The following MYBBP1A variants were observed in gnomAD, a reference collection of about 807,000 sequenced individuals.
MYBBP1A encodes MYB binding protein 1a, also known as myb-binding protein 1A.
A neutral mutation model predicts 136.3 loss-of-function variants in MYBBP1A; 147 were observed. The ratio of observed to expected loss-of-function variants is 1.08; its 90% CI spans 0.94 to 1.24. MYBBP1A has a LOEUF of 1.24. MYBBP1A is among the 50% of genes most tolerant of loss of function. MYBBP1A has a pLI of 0.00. For synonymous variants in MYBBP1A, 947 were observed against 735.8 expected, an observed-to-expected ratio of 1.29 and a Z score of -4.65; for missense variants, 2,060 against 1,727.4, an observed-to-expected ratio of 1.19 and a Z score of -3.41.
rs780591255 is a variant in MYBBP1A at position 4,552,252 on chromosome 17, T to C, written c.778A>G (p.Lys260Glu). 2.0e-5 allele frequency: 32 copies of C among 1,614,076 alleles called. No homozygotes were observed. The East Asian group carries it at 7.1e-4, about 36-fold the overall frequency. ...VLKMAASSVK[K>E]DRKLPAIALD... ...GCAATGGCGGGCAGCTTGCGGTCCT[T>C]CTTCACAGAGGAGGCGGCCATCTTC... Residue 260 changes from lysine (K) to glutamate (E), a missense_variant, in exon 7 of 26, where the codon AAG becomes GAG. Coordinates refer to ENST00000254718, the MANE Select transcript of MYBBP1A (RefSeq NM_014520.4). The surrounding 1 kb of genome is among the most constrained non-coding windows in gnomAD (Gnocchi z 4.7).
chr17:4,548,267 G>A lies in MYBBP1A; in HGVS notation c.1600C>T (p.Gln534Ter). The stretch of plus-strand genomic sequence containing the variant: ...GTCCAGGGCTGCCCACCCTGGGTCT[G>A]GCCCGGTGCCTGCTTGAACTGCGTG... ...LSTQFKQAPGQTQGGQPWTYH... is the reference protein window; with the variant it reads ...LSTQFKQAPG Residue 534 changes from glutamine (Q) to a stop codon, truncating the protein, a stop_gained, in exon 12 of 26, where the codon CAG becomes TAG. Transcript: ENST00000254718. LOFTEE classifies it high-confidence loss of function. The surrounding 1 kb of genome is among the most constrained non-coding windows in gnomAD (Gnocchi z 4.2). 1.2e-6 allele frequency: 2 copies of A among 1,612,492 alleles called. No homozygotes were observed. The highest frequency in any genetic ancestry group is 1.7e-6 in the Non-Finnish European group (2 of 1,179,996).
Position 4,552,719 on chromosome 17 carries a change from G to A in MYBBP1A, c.562-93C>T, listed in dbSNP as rs1218601774. ...TGCTCCTGACACGGGGCCACCTGGTGAGGTATCAGAGTCATCAGAGGCCAG... is the reference window on the plus strand; with the variant it reads ...TGCTCCTGACACGGGGCCACCTGGTAAGGTATCAGAGTCATCAGAGGCCAG... On this transcript the variant is annotated intron_variant, in intron 5 of 25. Coordinates refer to ENST00000254718, the MANE Select transcript of MYBBP1A (RefSeq NM_014520.4). This position sits in a 1 kb window ranked among gnomAD's most constrained non-coding sequence, Gnocchi z 4.7. 50 of 1,188,756 alleles carry A rather than the reference G, an allele frequency of 4.2e-5. 1 individual carries two copies. The highest frequency in any genetic ancestry group is 1.2e-6 in the Non-Finnish European group (1 of 855,676). 73.6% of individuals were successfully genotyped at this position (1,188,756 alleles called of 1,614,324 possible).
chr17:4,545,108 C>T lies in MYBBP1A; in HGVS notation c.2228G>A (p.Ser743Asn), dbSNP rs1260423860. Residue 743 changes from serine to asparagine, a missense_variant, in exon 17 of 26, where the codon AGC (serine) becomes AAC (asparagine). Ser to Asn is a conservative substitution (Grantham distance 46). Coordinates refer to ENST00000254718, the MANE Select transcript of MYBBP1A (RefSeq NM_014520.4). ...ESEEESEGEESEEEERDGDVD... is the reference protein window; with the variant it reads ...ESEEESEGEENEEEERDGDVD... ...GTCCCCGTCGCGCTCCTCCTCCTCG[C>T]TCTCCTCCCCCTCGCTCTCCTCTTC... is the stretch of plus-strand genomic sequence containing the variant. 2 of 1,606,586 alleles carry T rather than the reference C, an allele frequency of 1.2e-6. No homozygotes were observed. Among genetic ancestry groups the T allele is most frequent in the East Asian group, 2.2e-5 (1 of 44,540 alleles).
At chr17:4,554,460 C>T (rs1456548940) in intron 2 of MYBBP1A, among the ~76,000 whole-genome samples, 182 bp from the exon 3 acceptor site, 1 of 152,158 alleles carries the variant, frequency 6.6e-6, no homozygotes, top group South Asian at 2.1e-4. Flanking sequence ...GCCACTGGGT[C>T]TTCTCTCCGC....
chr17:4,552,342 AG>A lies in MYBBP1A; in HGVS notation c.738-51del. 2 of 1,610,000 alleles carry A rather than the reference AG, an allele frequency of 1.2e-6. No individual in the cohort carries two copies. Among genetic ancestry groups the A allele is most frequent in the Non-Finnish European group, 1.7e-6 (2 of 1,178,298 alleles). On this transcript the variant is annotated intron_variant, in intron 6 of 25. Transcript: ENST00000254718. This position sits in a 1 kb window ranked among gnomAD's most constrained non-coding sequence, Gnocchi z 4.7. The stretch of plus-strand genomic sequence containing the variant: ...AACACTTGCCTCACAGGCAAGGGCC[AG>A]GGTGACAAGAGCAGCCGGGACACCC...
chr17:4,544,872 A>G lies in MYBBP1A; in HGVS notation c.2360T>C (p.Met787Thr), dbSNP rs142994382. 5.2e-5 allele frequency: 84 copies of G among 1,608,132 alleles called. 1 individual carries two copies. The African/African-American group carries it at 8.4e-4, about 16-fold the overall frequency. ...GCTGGCGAGGCTCTGGTCCAGGGCCATCATGGCCTCATCCCCCAGCTCCTC... is the reference window on the plus strand; with the variant it reads ...GCTGGCGAGGCTCTGGTCCAGGGCCGTCATGGCCTCATCCCCCAGCTCCTC... ...NEEELGDEAM[M>T]ALDQSLASLF... is the part of the protein sequence containing the mutation. The change falls in exon 18 of 26, where the codon ATG (methionine) becomes ACG (threonine). Residue 787 changes from methionine (M) to threonine (T), a missense_variant. Coordinates refer to ENST00000254718, the MANE Select transcript of MYBBP1A (RefSeq NM_014520.4).
Position 4,541,549 on chromosome 17 carries a change from C to G in MYBBP1A, c.3211G>C (p.Gly1071Arg). 2 of 1,612,566 alleles carry G rather than the reference C, an allele frequency of 1.2e-6. No individual in the cohort carries two copies. The highest frequency in any genetic ancestry group is 1.7e-5 in the Admixed American group (1 of 60,016). ...AKVTENLRVL[G>R]EAQTKAQHQQ... Reference sequence around the variant, plus strand: ...TGCTGCGCCTTGGTCTGCGCCTCCCCCAGCACGCGCAAGTTCTAGGGAAGG... The same window carrying G: ...TGCTGCGCCTTGGTCTGCGCCTCCCGCAGCACGCGCAAGTTCTAGGGAAGG... Residue 1071 changes from glycine to arginine, a missense_variant, in exon 24 of 26, where the codon GGG (glycine) becomes CGG (arginine). By Grantham distance (125) the Gly-to-Arg change is moderately radical. Coordinates refer to ENST00000254718, the MANE Select transcript of MYBBP1A (RefSeq NM_014520.4).
In MYBBP1A at chr17:4,548,543, C is replaced by G. The variant is rs202178214; in HGVS notation, c.1537G>C (p.Val513Leu). The G allele has an allele frequency of 1.7e-5, 28 of 1,614,162 alleles. No individual in the cohort carries two copies. The highest frequency in any genetic ancestry group is 3.3e-4 in the Middle Eastern group (2 of 6,030). ...ACTCACCTGAAGAAGGCACTGCTGA[C>G]AGCCTCTCGGGCCTGGTTTTCCAAA... The part of the protein sequence containing the change: ...FPLENQAREA[V>L]SSAFFSLLQT... The change falls in exon 11 of 26, where the codon GTC (valine) becomes CTC (leucine). Residue 513 changes from valine (V) to leucine (L), a missense_variant. Physicochemically the swap from Val to Leu is conservative, Grantham distance 32. Coordinates refer to ENST00000254718, the MANE Select transcript of MYBBP1A (RefSeq NM_014520.4). The surrounding 1 kb of genome is among the most constrained non-coding windows in gnomAD (Gnocchi z 4.2).
Position 4,539,951 on chromosome 17 carries a change from TCTC to T in MYBBP1A, c.3448_3450del (p.Glu1150del), listed in dbSNP as rs760787371. ...CTGGGGATCTCCTTGGCATCCTTCT[TCTC>T]CAACTTGGGGCGCCTGAAGGGAAGT... On this transcript the variant is annotated inframe_deletion, in exon 26 of 26. Coordinates refer to ENST00000254718, the MANE Select transcript of MYBBP1A (RefSeq NM_014520.4). The T allele has an allele frequency of 1.6e-5, 26 of 1,598,458 alleles. No homozygotes were observed. The highest frequency in any genetic ancestry group is 2.0e-5 in the Non-Finnish European group (24 of 1,179,464).
Position 4,548,242 on chromosome 17 carries a change from G to C in MYBBP1A, c.1625C>G (p.Thr542Ser). The C allele has an allele frequency of 2.5e-6, 4 of 1,611,872 alleles. No homozygotes were observed. Among genetic ancestry groups the C allele is most frequent in the Non-Finnish European group, 3.4e-6 (4 of 1,180,018 alleles). ...GTCTGCGAACTGCACCAGGTGGTAG[G>C]TCCAGGGCTGCCCACCCTGGGTCTG... ...PGQTQGGQPW[T>S]YHLVQFADLL... The change falls in exon 12 of 26, where the codon ACC becomes AGC. Residue 542 changes from threonine to serine, a missense_variant. Physicochemically the swap from Thr to Ser is moderately conservative, Grantham distance 58. Transcript: ENST00000254718. The surrounding 1 kb of genome is among the most constrained non-coding windows in gnomAD (Gnocchi z 4.2).
In MYBBP1A at chr17:4,552,008, T is replaced by TG; in HGVS notation, c.906-12dup. 7 of 1,604,974 alleles carry TG rather than the reference T, an allele frequency of 4.4e-6. No individual in the cohort carries two copies. Among genetic ancestry groups the TG allele is most frequent in the Non-Finnish European group, 6.0e-6 (7 of 1,173,972 alleles). ...CGGAAACACAGGTAGCTAAAGGGGG[T>TG]GCAGGACAGAGCCTGGTCAGAGCCC... On this transcript the variant is annotated splice_polypyrimidine_tract_variant and intron_variant, in intron 7 of 25. Coordinates refer to ENST00000254718, the MANE Select transcript of MYBBP1A (RefSeq NM_014520.4). This position sits in a 1 kb window ranked among gnomAD's most constrained non-coding sequence, Gnocchi z 4.7.
rs1906137454 is a variant in MYBBP1A, at chr17:4,539,448, C to T, written c.3954G>A (p.Lys1318=). ...SPSLLQSGAK[K]KAQVRKAGKP is the part of the protein sequence containing the mutation. Reference sequence around the variant, plus strand: ...TCCCTGCCTTCCTCACCTGTGCTTTCTTCTTGGCCCCACTCTGAAGCAGGC... The same window carrying T: ...TCCCTGCCTTCCTCACCTGTGCTTTTTTCTTGGCCCCACTCTGAAGCAGGC... Residue 1318 remains lysine, a synonymous_variant, in exon 26 of 26, where the codon AAG becomes AAA. Coordinates refer to ENST00000254718, the MANE Select transcript of MYBBP1A (RefSeq NM_014520.4). 6.2e-7 allele frequency: 1 copy of T among 1,613,826 alleles called. No individual in the cohort carries two copies. Among genetic ancestry groups the T allele is most frequent in the South Asian group, 1.1e-5 (1 of 91,078 alleles).
chr17:4,547,894 G>T, intron 13 of MYBBP1A, 64 bp downstream of exon 13: 2 of 1,330,530 alleles, frequency 1.5e-6, no homozygotes, highest in Non-Finnish European at 2.0e-6. Flanking sequence ...AAAGCCTCTC[G>T]GTAGGGGGCC....
rs757015963 is a variant in MYBBP1A, at chr17:4,551,944, T to C, written c.959A>G (p.Gln320Arg). 26 of 1,612,796 alleles carry C rather than the reference T, an allele frequency of 1.6e-5. No homozygotes were observed. In the South Asian group the frequency reaches 2.7e-4, roughly 17 times the overall value. Residue 320 changes from glutamine to arginine, a missense_variant, in exon 8 of 26, where the codon CAG (glutamine) becomes CGG (arginine). By Grantham distance (43) the Gln-to-Arg change is conservative. Coordinates refer to ENST00000254718, the MANE Select transcript of MYBBP1A (RefSeq NM_014520.4). ...GAALPLLTKE[Q>R]LHLVMQGDVI... is the part of the protein sequence containing the mutation. ...GTCTCCCTGCATCACCAGGTGCAGC[T>C]GCTCCTTGGTCAGCAGGGGCAGGGC...
At chr17:4,546,628 A>T (rs1907037054) in intron 13 of MYBBP1A, among the ~76,000 whole-genome samples, 1 of 152,228 alleles carries the variant, frequency 6.6e-6, no homozygotes, top group South Asian at 2.1e-4. Context: ...GAGAGACAGA[A>T]TTGAAAGTCA....
At chr17:4,547,663 AGCTC>A in intron 13 of MYBBP1A, 1 of 363,404 alleles carries the variant, frequency 2.8e-6, no homozygotes, top group Non-Finnish European at 4.9e-6. Flanking sequence ...GTACAGTGCA[AGCTC>A]CTTTGCCTCT....
chr17:4,548,044 G>C lies in MYBBP1A; in HGVS notation c.1738C>G (p.Leu580Val). 1 of 1,569,692 alleles carries C rather than the reference G, an allele frequency of 6.4e-7. No homozygotes were observed. The highest frequency in any genetic ancestry group is 8.6e-7 in the Non-Finnish European group (1 of 1,158,410). ...RQAWDRMLQT[L>V]KELEAHSAEA... ...GCGGAGTGGGCCTCCAGCTCCTTCA[G>C]AGTCTGCAGCATCCTGCGGGGAGAC... Residue 580 changes from leucine to valine, a missense_variant, in exon 13 of 26, where the codon CTG (leucine) becomes GTG (valine). Coordinates refer to ENST00000254718, the MANE Select transcript of MYBBP1A (RefSeq NM_014520.4). The surrounding 1 kb of genome is among the most constrained non-coding windows in gnomAD (Gnocchi z 4.2).
rs201723287 is a variant in MYBBP1A, at chr17:4,539,341, G to GT, written c.*73dup. ...AAACAGCTTGCGTATTAAAATCATG[G>GT]TTTAAAAAAAAAAAAAAAAAATAGG... On this transcript the variant is annotated 3_prime_UTR_variant, in exon 26 of 26. Transcript: ENST00000254718. 0.059 allele frequency: 67,937 copies of GT among 1,160,996 alleles called. 121 individuals are homozygous for GT. Among genetic ancestry groups the GT allele is most frequent in the South Asian group, 0.066 (3,777 of 57,362 alleles). The allele number at this position is 1,160,996 out of a possible 1,614,324, so 71.9% of individuals were successfully genotyped here.
intron 5 of MYBBP1A, among the ~76,000 whole-genome samples, chr17:4,553,578 A>G (rs1020468549): frequency 1.3e-5 from 2 of 152,342 alleles, no homozygotes; most frequent in African/African-American, 4.8e-5. Flanking sequence ...ACTTTTTTAT[A>G]CCAATGCACA....
Sources: allele counts gnomAD v4.1 joint callset (sites outside exome capture counted in the v4.1 genomes callset), GRCh38; gene constraint gnomAD v4.1.1; non-coding constraint Gnocchi (gnomAD v3.1); transcripts MANE v1.5; gene names NCBI Gene and HGNC (gene_info 2026-07-23, HGNC 2026-07-21).